The following YKT6 variants were observed in gnomAD, a reference collection of about 807,000 sequenced individuals.
YKT6 encodes the protein synaptobrevin homolog YKT6.
Under a neutral mutation model 29.3 loss-of-function variants are expected in YKT6, and 12 were observed. That is an observed-to-expected ratio of 0.41 (90% CI 0.26 to 0.66). The LOEUF is 0.66. Ranked by LOEUF, YKT6 falls within the 30% of genes least tolerant of loss-of-function variation. The probability of loss-of-function intolerance (pLI) is 0.32; values close to 1 mark genes in which losing one functional copy is unlikely to be tolerated. For missense variants in YKT6, 188 were observed against 243.8 expected, an observed-to-expected ratio of 0.77 and a Z score of 1.52; for synonymous variants, 86 against 94.3, an observed-to-expected ratio of 0.91 and a Z score of 0.51.
rs758738289 is a variant in YKT6 at position 44,212,227 on chromosome 7, C to T, written c.562-20C>T. 5 of 1,614,082 alleles carry T rather than the reference C, an allele frequency of 3.1e-6. No homozygotes were observed. Among genetic ancestry groups the T allele is most frequent in the Non-Finnish European group, 4.2e-6 (5 of 1,180,018 alleles). ...ACTTCGTCAGTCCTCCTTCTCAGCTCCTCTTTGTTTTTTTCCAAGGCCCGG... is the reference window on the plus strand; with the variant it reads ...ACTTCGTCAGTCCTCCTTCTCAGCTTCTCTTTGTTTTTTTCCAAGGCCCGG... On this transcript the variant is annotated intron_variant, in intron 6 of 6. Coordinates refer to ENST00000223369, the MANE Select transcript of YKT6 (RefSeq NM_006555.4).
intron 2 of YKT6, 124 bp downstream of exon 2, chr7:44,204,774 C>A: frequency 1.2e-6 from 1 of 815,668 alleles, no homozygotes; most frequent in Non-Finnish European, 1.9e-6. Flanking sequence ...CTCTCTTTCC[C>A]ACCTCTTCCT....
chr7:44,210,194 T>A (rs1032893671), intron 5 of YKT6, among the ~76,000 whole-genome samples: 2 of 152,206 alleles, frequency 1.3e-5, no homozygotes, highest in African/African-American at 4.8e-5. Flanking sequence ...AAGTGCTCAA[T>A]AGCCATTTCC....
At chr7:44,208,347 C>T (rs2096343140) in intron 5 of YKT6, 149 bp downstream of exon 5, 10 of 782,530 alleles carry the variant, frequency 1.3e-5, no homozygotes, top group Middle Eastern at 3.3e-4. Flanking sequence ...TCCCCCACCC[C>T]GGGCATCAGA....
At position 44,211,036 on chromosome 7, in the gene YKT6, A is replaced by G. The variant is rs774293163; in HGVS notation, c.473A>G (p.Glu158Gly). 13 of 1,613,996 alleles carry G rather than the reference A, an allele frequency of 8.1e-6. No homozygotes were observed. In the South Asian group the frequency reaches 1.4e-4, roughly 18 times the overall value. ...TTTTTTGTCCAGCACAACACCATGG[A>G]GTCTCTGTTAGAGCGAGGTGAGAAG... ...ETKIILHNTMESLLERGEKLD... is the reference protein window; with the variant it reads ...ETKIILHNTMGSLLERGEKLD... The change falls in exon 6 of 7, where the codon GAG becomes GGG. Residue 158 changes from glutamate (E) to glycine (G), a missense_variant. Transcript: ENST00000223369.
At chr7:44,210,897 G>T in intron 5 of YKT6, 126 bp from the exon 6 acceptor site, 1 of 865,702 alleles carries the variant, frequency 1.2e-6, no homozygotes, top group East Asian at 2.6e-5. Context: ...TCGACACCTA[G>T]AGGTGAAGTT....
chr7:44,212,209 C>T, intron 6 of YKT6, 38 bp from the exon 7 acceptor site: 1 of 1,613,850 alleles, frequency 6.2e-7, no homozygotes, highest in Non-Finnish European at 8.5e-7. Flanking sequence ...CTTACTTCGT[C>T]AGTCCTCCTT....
chr7:44,204,446 G>C (rs2096338825), intron 1 of YKT6, 122 bp from the exon 2 acceptor site: 1 of 782,634 alleles, frequency 1.3e-6, no homozygotes, highest in East Asian at 2.7e-5. Flanking sequence ...CTAGGGATGG[G>C]AGGGAAAGGA....
In YKT6 at chr7:44,206,459, CG is replaced by C. The variant is rs1562742622; in HGVS notation, c.265del (p.Val89TrpfsTer10). On this transcript the variant is annotated frameshift_variant, in exon 3 of 7. Coordinates refer to ENST00000223369, the MANE Select transcript of YKT6 (RefSeq NM_006555.4). LOFTEE classifies it high-confidence loss of function. Reference sequence around the variant, plus strand: ...CATTGCTGACAATGAATACCCATCCCGGGTGGCCTTTACCTTGCTGGAGAAG... The same window carrying C: ...CATTGCTGACAATGAATACCCATCCCGGTGGCCTTTACCTTGCTGGAGAAG... ...VVIADNEYPS[R>X]VAFTLLEKVL... 6.2e-7 allele frequency: 1 copy of C among 1,614,054 alleles called. No homozygotes were observed. The highest frequency in any genetic ancestry group is 1.1e-5 in the South Asian group (1 of 91,064).
At chr7:44,206,274 C>T in intron 2 of YKT6, 111 bp from the exon 3 acceptor site, 1 of 1,067,936 alleles carries the variant, frequency 9.4e-7, no homozygotes, top group South Asian at 1.4e-5. Context: ...AGCTATTGAG[C>T]TTCCGAGTGG....
chr7:44,201,248 CA>C lies in YKT6; in HGVS notation c.104+10del. ...TTTTTCCAGAGATCCAGGTGAGCGG[CA>C]CAGGCTGGTGGGCCGTGGCGGTCGG... On this transcript the variant is annotated intron_variant, in intron 1 of 6. Transcript: ENST00000223369. 1 of 1,609,436 alleles carries C rather than the reference CA, an allele frequency of 6.2e-7. No homozygotes were observed. Among genetic ancestry groups the C allele is most frequent in the Non-Finnish European group, 8.5e-7 (1 of 1,177,680 alleles).
intron 5 of YKT6, 198 bp from the exon 6 acceptor site, chr7:44,210,825 C>T (rs2096345956): frequency 1.6e-6 from 1 of 643,960 alleles, no homozygotes. Context: ...TTCTAGATTT[C>T]ACGGGAATGT....
Position 44,201,219 on chromosome 7 carries a change from C to T in YKT6, c.84C>T (p.Phe28=), listed in dbSNP as rs951595213. 1.2e-6 allele frequency: 2 copies of T among 1,612,620 alleles called. No homozygotes were observed. The highest frequency in any genetic ancestry group is 1.7e-6 in the Non-Finnish European group (2 of 1,179,274). The stretch of plus-strand genomic sequence containing the variant: ...AAGCCGCATACGATGTGTCTTCCTT[C>T]AGCTTTTTCCAGAGATCCAGGTGAG... ...LLKAAYDVSS[F]SFFQRSSVQE... The change falls in exon 1 of 7, where the codon TTC becomes TTT. Residue 28 remains phenylalanine (F), a synonymous_variant. Transcript: ENST00000223369.
In YKT6 at chr7:44,207,441, C is replaced by T. The variant is rs148034974; in HGVS notation, c.342C>T (p.Ser114=). The T allele has an allele frequency of 3.7e-5, 59 of 1,613,968 alleles. No homozygotes were observed. Among genetic ancestry groups the T allele is most frequent in the Non-Finnish European group, 3.9e-5 (46 of 1,179,992 alleles). The stretch of plus-strand genomic sequence containing the variant: ...ACAGGATAGACTGGCCAGTAGGATC[C>T]CCTGCTACAATCCATTACCCAGCCC... The part of the protein sequence containing the change: ...QVDRIDWPVG[S]PATIHYPALD... The change falls in exon 4 of 7, where the codon TCC becomes TCT. Residue 114 remains serine (S), a synonymous_variant. Transcript: ENST00000223369.
At position 44,201,065 on chromosome 7, in the gene YKT6, G is replaced by C. The variant is rs11540050; in HGVS notation, c.-71G>C. 1 of 1,375,600 alleles carries C rather than the reference G, an allele frequency of 7.3e-7. No individual in the cohort carries two copies. Among genetic ancestry groups the C allele is most frequent in the Non-Finnish European group, 9.7e-7 (1 of 1,029,688 alleles). 85.2% of individuals were successfully genotyped at this position (1,375,600 alleles called of 1,614,324 possible). A position where few individuals can be genotyped will look rare whatever the true frequency, so the allele number is the denominator to read the frequency against. On this transcript the variant is annotated 5_prime_UTR_variant, in exon 1 of 7. Transcript: ENST00000223369. Reference sequence around the variant, plus strand: ...CGGTAGGCGGCGGCGGTCCCGAGGGGCGGCGGCCGCGCTGCTCCCTGAGAA... The same window carrying C: ...CGGTAGGCGGCGGCGGTCCCGAGGGCCGGCGGCCGCGCTGCTCCCTGAGAA...
chr7:44,206,046 T>C (rs1458221486), intron 2 of YKT6, among the ~76,000 whole-genome samples: 2 of 152,190 alleles, frequency 1.3e-5, no homozygotes, highest in Non-Finnish European at 2.9e-5. Context: ...CCCTAAGATA[T>C]AGCTTGGCCT....
chr7:44,207,407 A>G lies in YKT6; in HGVS notation c.308A>G (p.Lys103Arg). The change falls in exon 4 of 7, where the codon AAG (lysine) becomes AGG (arginine). Residue 103 changes from lysine (K) to arginine (R), a missense_variant. Physicochemically the swap from Lys to Arg is conservative, Grantham distance 26 (BLOSUM62 2). This residue lies in a region of YKT6 where 100 missense variants were observed against 136.3 expected (regional missense o/e 0.73). Coordinates refer to ENST00000223369, the MANE Select transcript of YKT6 (RefSeq NM_006555.4). ...TTGCAGGTACTAGATGAATTCTCCA[A>G]GCAAGTCGACAGGATAGACTGGCCA... is the stretch of plus-strand genomic sequence containing the variant. ...LLEKVLDEFSKQVDRIDWPVG... is the reference protein window; with the variant it reads ...LLEKVLDEFSRQVDRIDWPVG... 6.2e-7 allele frequency: 1 copy of G among 1,614,046 alleles called. No individual in the cohort carries two copies. Among genetic ancestry groups the G allele is most frequent in the Non-Finnish European group, 8.5e-7 (1 of 1,179,934 alleles).
Position 44,204,618 on chromosome 7 carries a change from C to G in YKT6, c.155C>G (p.Ser52Trp), listed in dbSNP as rs141563755. The change falls in exon 2 of 7, where the codon TCG (serine) becomes TGG (tryptophan). Residue 52 changes from serine to tryptophan, a missense_variant. This residue lies in a region of YKT6 where 71 missense variants were observed against 67.3 expected (regional missense o/e 1.05). Transcript: ENST00000223369. ...FTSQLIVERS[S>W]KGTRASVKEQ... ...AGTCAACTGATTGTGGAGCGCTCAT[C>G]GAAAGGCACTAGAGCTTCTGTCAAA... is the stretch of plus-strand genomic sequence containing the variant. 30 of 1,614,074 alleles carry G rather than the reference C, an allele frequency of 1.9e-5. No homozygotes were observed. In the South Asian group the frequency reaches 3.0e-4, roughly 16 times the overall value.
At chr7:44,204,746 C>T in intron 2 of YKT6, 96 bp downstream of exon 2, 4 of 1,120,184 alleles carry the variant, frequency 3.6e-6, no homozygotes, top group Non-Finnish European at 5.3e-6. Flanking sequence ...TGGGACCCTA[C>T]TCCTCCTCTA....
intron 5 of YKT6, among the ~76,000 whole-genome samples, chr7:44,209,005 C>G (rs556166917): frequency 6.6e-6 from 1 of 152,300 alleles, no homozygotes; most frequent in East Asian, 1.9e-4. Context: ...CACACACAGG[C>G]GCCTGAAGGT....
Sources: gnomAD v4.1 joint callset for allele counts (sites outside exome capture counted in the v4.1 genomes callset) on GRCh38, gnomAD v4.1.1 for gene constraint, gnomAD v4.1.1 regional missense constraint, MANE v1.5 for transcripts, NCBI Gene and HGNC (gene_info 2026-07-23, HGNC 2026-07-21) for gene names.